NME7: variants seen among roughly 807,000 people sequenced by gnomAD.
NME7 encodes the protein nucleoside diphosphate kinase 7.
In NME7, 41 loss-of-function variants were observed where a neutral mutation model predicts 49.1. The observed-to-expected ratio is 0.83, with a 90% CI of 0.65 to 1.08. The LOEUF is 1.08. NME7 is among the 50% of genes least tolerant of loss of function. NME7 has a pLI of 0.00. For synonymous variants in NME7, 139 were observed against 150.6 expected, an observed-to-expected ratio of 0.92 and a Z score of 0.56; for missense variants, 423 against 463.4, an observed-to-expected ratio of 0.91 and a Z score of 0.80.
At chr1:169,263,712 C>T (rs1053238227) in intron 7 of NME7, among the ~76,000 whole-genome samples, 3 of 132,992 alleles carry the variant, frequency 2.3e-5, no homozygotes, top group Admixed American at 7.4e-5. Flanking sequence ...TTTCCTCAAC[C>T]TAGCTAGAGA....
chr1:169,240,881 C>T (rs1025422853), intron 7 of NME7, among the ~76,000 whole-genome samples: 4 of 152,040 alleles, frequency 2.6e-5, no homozygotes, highest in Non-Finnish European at 5.9e-5. Context: ...AGTTTATCTT[C>T]ACTTGGATTT....
Position 169,259,737 on chromosome 1 carries a change from T to G in NME7, c.755-22050A>C, listed in dbSNP as rs1268253954. Reference sequence around the variant, plus strand: ...TTCATTTCATATATGAAACTTCATATTCTGATTCAGCCCAATACTTAAATA... The same window carrying G: ...TTCATTTCATATATGAAACTTCATAGTCTGATTCAGCCCAATACTTAAATA... On this transcript the variant is annotated intron_variant, in intron 7 of 11. Coordinates refer to ENST00000367811, the MANE Select transcript of NME7 (RefSeq NM_013330.5). Among the ~76,000 whole-genome samples, 3 of 134,222 alleles carry G rather than the reference T, an allele frequency of 2.2e-5. 1 individual carries two copies. Among genetic ancestry groups the G allele is most frequent in the Non-Finnish European group, 5.3e-5 (3 of 57,000 alleles). The allele number at this position is 134,222 out of a possible 152,430, so 88.1% of individuals were successfully genotyped here. A position where few individuals can be genotyped will look rare whatever the true frequency, so the allele number is the denominator to read the frequency against.
chr1:169,258,170 T>G (rs1453116897), intron 7 of NME7, among the ~76,000 whole-genome samples: 1 of 127,716 alleles, frequency 7.8e-6, no homozygotes, highest in Non-Finnish European at 1.8e-5. Context: ...AGACCCTGTC[T>G]CTACAAAAAA....
intron 7 of NME7, among the ~76,000 whole-genome samples, chr1:169,250,662 A>C (rs1285328065): frequency 6.6e-6 from 1 of 152,048 alleles, no homozygotes; most frequent in Non-Finnish European, 1.5e-5. Context: ...AGAGATTTTG[A>C]TAACTTGTGT....
chr1:169,155,279 T>C (rs1557965097), intron 11 of NME7, among the ~76,000 whole-genome samples: 1 of 152,102 alleles, frequency 6.6e-6, no homozygotes, highest in African/African-American at 2.4e-5. Context: ...ATGGTGAGGG[T>C]CTAGGATGAC....
At chr1:169,226,199 GATAAT>G (rs1426850640) in intron 10 of NME7, among the ~76,000 whole-genome samples, 1 of 152,096 alleles carries the variant, frequency 6.6e-6, no homozygotes, top group Non-Finnish European at 1.5e-5. Context: ...ATTATTTTAA[GATAAT>G]ATAATACATG....
At chr1:169,311,416 C>CAAAAAAAAAAAAAAAAAAAAAAAAAA (rs34576386) in intron 3 of NME7, among the ~76,000 whole-genome samples, 1 of 83,648 alleles carries the variant, frequency 1.2e-5, no homozygotes, top group African/African-American at 4.9e-5. Context: ...GACTCCATCT[C>CAAAAAAAAAAAAAAAAAAAAAAAAAA]AAAAAAAAAA....
intron 10 of NME7, among the ~76,000 whole-genome samples, chr1:169,207,715 T>C (rs973558708): frequency 3.2e-4 from 49 of 152,150 alleles, no homozygotes; most frequent in Admixed American, 2.8e-3. Flanking sequence ...CAGGACAATG[T>C]TACTTTCTAA....
At chr1:169,206,894 GT>G (rs1443888031) in intron 10 of NME7, among the ~76,000 whole-genome samples, 6 of 152,066 alleles carry the variant, frequency 3.9e-5, no homozygotes, top group Non-Finnish European at 5.9e-5. Flanking sequence ...ACAGTGATTA[GT>G]TGTTTATATT....
intron 1 of NME7, among the ~76,000 whole-genome samples, chr1:169,356,152 G>T (rs918171331): frequency 3.3e-5 from 5 of 152,062 alleles, no homozygotes; most frequent in African/African-American, 9.7e-5. Flanking sequence ...GTGCCTTTCT[G>T]CTCCCTGATG....
intron 11 of NME7, among the ~76,000 whole-genome samples, chr1:169,149,953 T>C (rs1658861468): frequency 6.6e-6 from 1 of 152,214 alleles, no homozygotes; most frequent in Non-Finnish European, 1.5e-5. Flanking sequence ...TTTAACATCT[T>C]TCTAGTTTAT....
chr1:169,291,755 A>G (rs1243040716), intron 6 of NME7, among the ~76,000 whole-genome samples: 1 of 152,140 alleles, frequency 6.6e-6, no homozygotes, highest in African/African-American at 2.4e-5. Flanking sequence ...TAAGATCAGC[A>G]AAAAGATTAT....
Position 169,144,691 on chromosome 1 carries a change from C to A in NME7, c.1099-11874G>T, listed in dbSNP as rs117153917. 3.4e-4 allele frequency among the ~76,000 whole-genome samples: 51 copies of A among 152,206 alleles called. No individual in the cohort carries two copies. The East Asian group carries it at 7.5e-3, about 22-fold the overall frequency. On this transcript the variant is annotated intron_variant, in intron 11 of 11. Coordinates refer to ENST00000367811, the MANE Select transcript of NME7 (RefSeq NM_013330.5). ...TAGAACAGTGAATGGCACAAACAGG[C>A]CTTCAATAAATGTATGTTAACCTGA... is the stretch of plus-strand genomic sequence containing the variant.
Position 169,181,542 on chromosome 1 carries a change from C to T in NME7, c.991-11988G>A, listed in dbSNP as rs556594977. On this transcript the variant is annotated intron_variant, in intron 10 of 11. Transcript: ENST00000367811. ...AACTTCCTTCATTATAATTACCTTTCGCCTGTGTTTTCAACCTTTCTCTTT... is the reference window on the plus strand; with the variant it reads ...AACTTCCTTCATTATAATTACCTTTTGCCTGTGTTTTCAACCTTTCTCTTT... Among the ~76,000 whole-genome samples the T allele has an allele frequency of 7.9e-5, 12 of 152,098 alleles. No individual in the cohort carries two copies. In the South Asian group the frequency reaches 8.3e-4, roughly 11 times the overall value.
intron 10 of NME7, among the ~76,000 whole-genome samples, chr1:169,173,874 A>G (rs1025720242): frequency 6.6e-6 from 1 of 152,214 alleles, no homozygotes; most frequent in African/African-American, 2.4e-5. Context: ...TTCATCTAAT[A>G]CCATAAATAA....
intron 7 of NME7, among the ~76,000 whole-genome samples, chr1:169,275,478 C>CAAAA (rs57449323): frequency 2.3e-4 from 7 of 29,846 alleles, no homozygotes; most frequent in South Asian, 1.0e-3. Context: ...AACTCCGTCT[C>CAAAA]AAAAAAAAAA....
intron 7 of NME7, among the ~76,000 whole-genome samples, chr1:169,251,196 T>C (rs1648558259): frequency 6.6e-6 from 1 of 152,150 alleles, no homozygotes; most frequent in Non-Finnish European, 1.5e-5. Context: ...AATATCTTCT[T>C]GTTGGATTGA....
chr1:169,226,015 G>A (rs1647325303), intron 10 of NME7, among the ~76,000 whole-genome samples: 1 of 152,120 alleles, frequency 6.6e-6, no homozygotes, highest in South Asian at 2.1e-4. Flanking sequence ...AGTACCAGGT[G>A]TTAGGTATAT....
chr1:169,256,540 G>A (rs1005002130), intron 7 of NME7, among the ~76,000 whole-genome samples: 2 of 132,530 alleles, frequency 1.5e-5, no homozygotes, highest in Admixed American at 7.4e-5. Flanking sequence ...TAATTTGATC[G>A]TCTGAAGCCT....
Sources: allele counts gnomAD v4.1 joint callset (sites outside exome capture counted in the v4.1 genomes callset), GRCh38; gene constraint gnomAD v4.1.1; transcripts MANE v1.5; gene names NCBI Gene and HGNC (gene_info 2026-07-23, HGNC 2026-07-21).